CSMD1: variants seen among roughly 807,000 people sequenced by gnomAD.
The protein encoded by CSMD1 is CUB and sushi domain-containing protein 1.
CSMD1 carries 213 observed loss-of-function variants against 417.5 expected under a neutral mutation model. That is an observed-to-expected ratio of 0.51 (90% CI 0.46 to 0.57). The LOEUF (loss-of-function observed/expected upper bound fraction) is 0.57, where lower values mean the gene tolerates loss of function less well. Among genes scored for constraint, CSMD1 ranks in the 20% least tolerant of loss-of-function variants. The pLI is 0.00. For missense variants in CSMD1, 6,923 were observed against 4,529.7 expected (o/e 1.53, Z -15.17); for synonymous variants, 2,862 against 1,736.8 (o/e 1.65, Z -16.11).
chr8:4,080,059 C>A (rs1055110124), intron 3 of CSMD1, among the ~76,000 whole-genome samples: 1 of 151,176 alleles, frequency 6.6e-6, no homozygotes, highest in Non-Finnish European at 1.5e-5. Context: ...TAGGAATCTA[C>A]GACTCATCTG....
At chr8:4,859,974 C>T (rs905242454) in intron 1 of CSMD1, among the ~76,000 whole-genome samples, 10 of 151,818 alleles carry the variant, frequency 6.6e-5, no homozygotes, top group African/African-American at 1.9e-4. Context: ...TGTTTATTGC[C>T]GCGTTATTCA....
At chr8:4,415,680 G>A (rs1400949779) in intron 3 of CSMD1, among the ~76,000 whole-genome samples, 1 of 152,172 alleles carries the variant, frequency 6.6e-6, no homozygotes. Flanking sequence ...GTCTCTGGTA[G>A]AGGCCCCGTG....
intron 3 of CSMD1, among the ~76,000 whole-genome samples, chr8:4,150,303 C>G (rs767138077): frequency 1.3e-5 from 2 of 152,290 alleles, no homozygotes; most frequent in South Asian, 4.1e-4. Flanking sequence ...TTCCTCAGCT[C>G]CCTGTTAGGA....
intron 10 of CSMD1, among the ~76,000 whole-genome samples, chr8:3,533,384 G>C (rs747269767): frequency 1.4e-4 from 22 of 152,072 alleles, no homozygotes; most frequent in Non-Finnish European, 2.9e-4. Context: ...CTTGAACAGT[G>C]ACTCCTCATT....
At chr8:3,633,639 A>T (rs1433693424) in intron 7 of CSMD1, among the ~76,000 whole-genome samples, 1 of 152,240 alleles carries the variant, frequency 6.6e-6, no homozygotes, top group Non-Finnish European at 1.5e-5. Flanking sequence ...AAAAAATGTT[A>T]ATGACATATT....
intron 3 of CSMD1, among the ~76,000 whole-genome samples, chr8:4,080,790 C>G (rs770242211): frequency 6.6e-6 from 1 of 152,180 alleles, no homozygotes; most frequent in Non-Finnish European, 1.5e-5. Context: ...CCACACCCCT[C>G]TCTAAGTATT....
chr8:3,706,993 A>AT (rs550739871), intron 7 of CSMD1, among the ~76,000 whole-genome samples: 130 of 150,092 alleles, frequency 8.7e-4, no homozygotes, highest in African/African-American at 1.7e-3. Context: ...TTACAGATTG[A>AT]TTTTTTTTTT....
At chr8:4,106,273 G>A (rs960557589) in intron 3 of CSMD1, among the ~76,000 whole-genome samples, 3 of 152,216 alleles carry the variant, frequency 2.0e-5, no homozygotes, top group Non-Finnish European at 2.9e-5. Flanking sequence ...ATTAATGTAT[G>A]TGTTTCTGTG....
intron 5 of CSMD1, among the ~76,000 whole-genome samples, chr8:3,867,741 C>G (rs934111537): frequency 7.9e-5 from 12 of 152,140 alleles, no homozygotes; most frequent in African/African-American, 2.9e-4. Flanking sequence ...TATGCAAACA[C>G]TGGCACAGGA....
chr8:4,738,026 G>A (rs1031587201), intron 1 of CSMD1, among the ~76,000 whole-genome samples: 1 of 152,184 alleles, frequency 6.6e-6, no homozygotes, highest in Non-Finnish European at 1.5e-5. Context: ...CTTGGAGAAT[G>A]AGAGAGAATA....
rs138142228 is a variant in CSMD1 at position 4,423,664 on chromosome 8, C to G, written c.303-3599G>C. Among the ~76,000 whole-genome samples, 883 of 152,026 alleles carry G rather than the reference C, an allele frequency of 5.8e-3. 6 individuals carry two copies. Among genetic ancestry groups the G allele is most frequent in the South Asian group, 0.011 (52 of 4,822 alleles). On this transcript the variant is annotated intron_variant, in intron 2 of 69. Transcript: ENST00000635120. Reference sequence around the variant, plus strand: ...ATACACAGGTTTTACACAATTTCCACCAAAATCCCAGCAAGAATTTTTGGG... The same window carrying G: ...ATACACAGGTTTTACACAATTTCCAGCAAAATCCCAGCAAGAATTTTTGGG...
chr8:4,008,144 T>C (rs548108851), intron 4 of CSMD1, among the ~76,000 whole-genome samples: 5 of 152,248 alleles, frequency 3.3e-5, no homozygotes, highest in South Asian at 4.1e-4. Context: ...GAAAACAAAA[T>C]AGTCACAGCA....
At chr8:4,505,955 C>T (rs893989615) in intron 2 of CSMD1, among the ~76,000 whole-genome samples, 6 of 151,972 alleles carry the variant, frequency 3.9e-5, no homozygotes, top group South Asian at 2.1e-4. Context: ...CATGTCACCA[C>T]GCCTGGGTAA....
chr8:4,320,267 A>C (rs1175862327), intron 3 of CSMD1, among the ~76,000 whole-genome samples: 1 of 152,198 alleles, frequency 6.6e-6, no homozygotes. Flanking sequence ...GACCCACAAC[A>C]AGTAGGAAAA....
At chr8:4,475,666 G>C (rs907288589) in intron 2 of CSMD1, among the ~76,000 whole-genome samples, 2 of 122,322 alleles carry the variant, frequency 1.6e-5, no homozygotes, top group African/African-American at 6.3e-5. Context: ...ACCCAGGCTG[G>C]AGTGCAGTGG....
At position 2,936,895 on chromosome 8, in the gene CSMD1, C is replaced by T. The variant is rs1409982143; in HGVS notation, c.*1690G>A. On this transcript the variant is annotated 3_prime_UTR_variant, in exon 70 of 70. Coordinates refer to ENST00000635120, the MANE Select transcript of CSMD1 (RefSeq NM_033225.6). The stretch of plus-strand genomic sequence containing the variant: ...AAGCTAGGTGTCAATGTGTTCACTC[C>T]GACAACGTGAAGGCCAATTTGAACA... 5 of 152,130 alleles carry T rather than the reference C, an allele frequency of 3.3e-5. No individual in the cohort carries two copies. Among genetic ancestry groups the T allele is most frequent in the South Asian group, 2.1e-4 (1 of 4,832 alleles). The allele number at this position is 152,130 out of a possible 1,614,324, so 9.4% of individuals were successfully genotyped here.
intron 5 of CSMD1, among the ~76,000 whole-genome samples, chr8:3,817,817 C>A (rs956061937): frequency 6.6e-6 from 1 of 152,108 alleles, no homozygotes. Flanking sequence ...GCACGTGCAT[C>A]TGGCCACACC....
chr8:3,494,226 C>A (rs1489802876), intron 10 of CSMD1, among the ~76,000 whole-genome samples: 1 of 151,970 alleles, frequency 6.6e-6, no homozygotes, highest in East Asian at 1.9e-4. Flanking sequence ...TCTTGCAAAG[C>A]CTGTAAGTTT....
intron 10 of CSMD1, among the ~76,000 whole-genome samples, chr8:3,509,839 G>C (rs1327487127): frequency 6.6e-6 from 1 of 152,076 alleles, no homozygotes; most frequent in Non-Finnish European, 1.5e-5. Flanking sequence ...AGCTGTTCAG[G>C]AAGCAATTAT....
Sources: allele counts gnomAD v4.1 joint callset (sites outside exome capture counted in the v4.1 genomes callset), GRCh38; gene constraint gnomAD v4.1.1; transcripts MANE v1.5; gene names NCBI Gene and HGNC (gene_info 2026-07-23, HGNC 2026-07-21).